PHACTR4: variants seen among roughly 807,000 people sequenced by gnomAD.
The protein encoded by PHACTR4 is protein phosphatase 1, regulatory subunit 124.
In PHACTR4, 51 loss-of-function variants were observed where a neutral mutation model predicts 72.7. The observed-to-expected ratio is 0.70, with a 90% CI of 0.56 to 0.89. The LOEUF is 0.89. PHACTR4 is among the 40% of genes least tolerant of loss of function. The pLI, the probability that PHACTR4 is intolerant of heterozygous loss-of-function variation, is 0.00. For synonymous variants in PHACTR4, 255 were observed against 302.5 expected, an observed-to-expected ratio of 0.84 and a Z score of 1.63; for missense variants, 731 against 861.8, an observed-to-expected ratio of 0.85 and a Z score of 1.90.
chr1:28,420,156 G>C (rs948197275), intron 2 of PHACTR4, among the ~76,000 whole-genome samples: 1 of 152,126 alleles, frequency 6.6e-6, no homozygotes, highest in Non-Finnish European at 1.5e-5. Context: ...CAGGAGGCTG[G>C]GAGAATCACT....
chr1:28,468,147 C>A (rs557648364), intron 6 of PHACTR4, among the ~76,000 whole-genome samples: 6 of 152,142 alleles, frequency 3.9e-5, no homozygotes, highest in Admixed American at 1.3e-4. Context: ...TTATTACCAC[C>A]ACTTTGGATG....
intron 9 of PHACTR4, among the ~76,000 whole-genome samples, chr1:28,481,134 C>T (rs958677511): frequency 3.3e-5 from 5 of 151,974 alleles, no homozygotes; most frequent in Middle Eastern, 3.4e-3. Flanking sequence ...GTTCAAGGCA[C>T]CCTCCCACCT....
intron 2 of PHACTR4, among the ~76,000 whole-genome samples, chr1:28,417,608 C>T (rs558778154): frequency 3.9e-5 from 6 of 152,228 alleles, no homozygotes; most frequent in Admixed American, 3.3e-4. Context: ...CATCATGATA[C>T]TCAGAGTGGC....
chr1:28,458,103 TGTGTTTGTG>T (rs1367564460), intron 2 of PHACTR4, among the ~76,000 whole-genome samples: 18 of 108,688 alleles, frequency 1.7e-4, no homozygotes, highest in African/African-American at 3.3e-4. Context: ...TTATGGTGTG[TGTGTTTGTG>T]TGTGTGTGTG....
At position 28,499,171 on chromosome 1, in the gene PHACTR4, T is replaced by A. The variant is rs1661526835; in HGVS notation, c.*2622T>A. ...TGTTTTTGAGACAGAATTTTGCTCT[T>A]GTTGCCCAGGCCGGAGTGCAATGGT... On this transcript the variant is annotated 3_prime_UTR_variant, in exon 14 of 14. Transcript: ENST00000373839. 6.6e-6 allele frequency: 1 copy of A among 152,286 alleles called. No homozygotes were observed. Among genetic ancestry groups the A allele is most frequent in the Non-Finnish European group, 1.5e-5 (1 of 68,214 alleles). 9.4% of individuals were successfully genotyped at this position (152,286 alleles called of 1,614,324 possible).
intron 2 of PHACTR4, among the ~76,000 whole-genome samples, chr1:28,408,199 G>C (rs187539769): frequency 6.6e-6 from 1 of 152,322 alleles, no homozygotes; most frequent in Admixed American, 6.5e-5. Flanking sequence ...TGGAAATGTA[G>C]TTCTGCTCAT....
chr1:28,480,382 C>A, intron 8 of PHACTR4, 69 bp from the exon 9 acceptor site: 2 of 1,555,910 alleles, frequency 1.3e-6, no homozygotes, highest in South Asian at 2.3e-5. Context: ...TCTTGACTAG[C>A]TCCAGGTAAG....
At chr1:28,425,898 A>G (rs1039821231) in intron 2 of PHACTR4, among the ~76,000 whole-genome samples, 4 of 152,182 alleles carry the variant, frequency 2.6e-5, no homozygotes, top group African/African-American at 4.8e-5. Context: ...TAGTTTCTAC[A>G]CATCAGTGAT....
chr1:28,485,164 T>C (rs561256055), intron 9 of PHACTR4, among the ~76,000 whole-genome samples: 2 of 151,752 alleles, frequency 1.3e-5, no homozygotes, highest in African/African-American at 4.8e-5. Flanking sequence ...AAGCAGAGAG[T>C]AGAAAGATAG....
At chr1:28,426,501 CA>C (rs1199489948) in intron 2 of PHACTR4, among the ~76,000 whole-genome samples, 1 of 151,000 alleles carries the variant, frequency 6.6e-6, no homozygotes, top group Non-Finnish European at 1.5e-5. Context: ...ACTAAAAATA[CA>C]AAAAAAACCC....
intron 2 of PHACTR4, among the ~76,000 whole-genome samples, chr1:28,441,991 C>G (rs1209533693): frequency 1.3e-5 from 2 of 151,720 alleles, no homozygotes; most frequent in Admixed American, 6.6e-5. Context: ...GACACTGTCT[C>G]AAGAAAAAGA....
chr1:28,392,750 G>GA (rs1383131454), intron 1 of PHACTR4, among the ~76,000 whole-genome samples: 6 of 148,610 alleles, frequency 4.0e-5, no homozygotes, highest in Admixed American at 2.0e-4. Context: ...ACTTACTAAG[G>GA]AAAAAAAAAT....
At position 28,435,062 on chromosome 1, in the gene PHACTR4, T is replaced by G. The variant is rs552451135; in HGVS notation, c.17-24023T>G. Among the ~76,000 whole-genome samples the G allele has an allele frequency of 3.3e-5, 5 of 152,314 alleles. No individual in the cohort carries two copies. In the East Asian group the frequency reaches 9.6e-4, roughly 29 times the overall value. ...ATGCTTTTATCTGGGTCCTTCCATT[T>G]GCTTAATATTTCTATACACCAACTG... On this transcript the variant is annotated intron_variant, in intron 2 of 13. Transcript: ENST00000373839.
At chr1:28,471,274 A>G (rs1236990729) in intron 6 of PHACTR4, among the ~76,000 whole-genome samples, 3 of 151,990 alleles carry the variant, frequency 2.0e-5, no homozygotes, top group African/African-American at 7.2e-5. Flanking sequence ...ACTTGAACCC[A>G]GGAGGTGGAG....
At chr1:28,425,732 CACTT>C (rs1282214177) in intron 2 of PHACTR4, among the ~76,000 whole-genome samples, 5 of 152,168 alleles carry the variant, frequency 3.3e-5, no homozygotes, top group Admixed American at 6.5e-5. Flanking sequence ...CTTTCTCACT[CACTT>C]AAAGTGAATA....
At chr1:28,383,423 C>G (rs1436889358) in intron 1 of PHACTR4, among the ~76,000 whole-genome samples, 1 of 152,028 alleles carries the variant, frequency 6.6e-6, no homozygotes, top group Admixed American at 6.6e-5. Flanking sequence ...GGCATGGAAT[C>G]TATACATTTC....
intron 2 of PHACTR4, among the ~76,000 whole-genome samples, chr1:28,420,605 C>T (rs1358296847): frequency 6.6e-6 from 1 of 152,166 alleles, no homozygotes; most frequent in African/African-American, 2.4e-5. Context: ...TGCCACTGCA[C>T]TCCAGCCTGG....
intron 1 of PHACTR4, among the ~76,000 whole-genome samples, chr1:28,380,558 A>G (rs1478759364): frequency 6.6e-6 from 1 of 152,048 alleles, no homozygotes; most frequent in Non-Finnish European, 1.5e-5. Context: ...CTCTGTGTCC[A>G]TGTGTTCTCA....
At chr1:28,465,969 A>G (rs1047776869) in intron 5 of PHACTR4, 120 bp downstream of exon 5, 5 of 988,918 alleles carry the variant, frequency 5.1e-6, no homozygotes, top group Admixed American at 6.1e-5. Context: ...TCCTTTAACA[A>G]TACCTTAACT....
Sources: allele counts gnomAD v4.1 joint callset (sites outside exome capture counted in the v4.1 genomes callset), GRCh38; gene constraint gnomAD v4.1.1; transcripts MANE v1.5; gene names NCBI Gene and HGNC (gene_info 2026-07-23, HGNC 2026-07-21).